The following PCDHA3 variants were observed in gnomAD, a reference collection of about 807,000 sequenced individuals.
PCDHA3 encodes protocadherin alpha-3.
A neutral mutation model predicts 62.2 loss-of-function variants in PCDHA3; 41 were observed. The ratio of observed to expected loss-of-function variants is 0.66; its 90% CI spans 0.51 to 0.86. The LOEUF (loss-of-function observed/expected upper bound fraction) is 0.86. Ranked by LOEUF, PCDHA3 falls within the 40% of genes least tolerant of loss-of-function variation. The probability of loss-of-function intolerance (pLI) is 0.00; values close to 1 mark genes in which losing one functional copy is unlikely to be tolerated. For missense variants in PCDHA3, 1,304 were observed against 1,241.2 expected (o/e 1.05, Z -0.76); for synonymous variants, 640 against 555.4 (o/e 1.15, Z -2.14).
At chr5:140,947,027 A>G (rs554018076) in intron 1 of PCDHA3, among the ~76,000 whole-genome samples, 2 of 151,820 alleles carry the variant, frequency 1.3e-5, no homozygotes, top group African/African-American at 2.4e-5. Context: ...GAGGTAATGG[A>G]TATACTAATT....
At chr5:140,924,507 C>T (rs2081871616) in intron 1 of PCDHA3, among the ~76,000 whole-genome samples, 1 of 152,168 alleles carries the variant, frequency 6.6e-6, no homozygotes, top group African/African-American at 2.4e-5. Context: ...CAATCCCACT[C>T]TTAGTGTTAA....
chr5:140,928,876 C>T (rs1554206456), intron 1 of PCDHA3: 1 of 1,614,194 alleles, frequency 6.2e-7, no homozygotes, highest in Non-Finnish European at 8.5e-7. Context: ...CTCTGTCCCT[C>T]AGTTACTTCC....
chr5:140,983,801 T>G (rs1386165689), intron 3 of PCDHA3, among the ~76,000 whole-genome samples: 1 of 152,214 alleles, frequency 6.6e-6, no homozygotes, highest in Non-Finnish European at 1.5e-5. Context: ...AATGTGTGTG[T>G]AAAAGGTTTT....
At position 140,843,705 on chromosome 5, in the gene PCDHA3, A is replaced by G. The variant is rs1779053094; in HGVS notation, c.2394+40114A>G. ...GAAGAGCAAGATTTAAATGTTGATC[A>G]TGGCCTCAAAGTAAGTCCATTTAAA... On this transcript the variant is annotated intron_variant, in intron 1 of 3. Transcript: ENST00000522353. 5.7e-6 allele frequency: 9 copies of G among 1,579,940 alleles called. No individual in the cohort carries two copies. The African/African-American group carries it at 6.7e-5, about 12-fold the overall frequency.
intron 3 of PCDHA3, among the ~76,000 whole-genome samples, chr5:140,994,387 C>T (rs192635308): frequency 1.3e-5 from 2 of 152,174 alleles, no homozygotes; most frequent in East Asian, 1.9e-4. Context: ...GGGACTAAGT[C>T]AGAGATTATT....
At chr5:140,867,906 T>C (rs1183238322) in intron 1 of PCDHA3, 1 of 152,148 alleles carries the variant, frequency 6.6e-6, no homozygotes, top group African/African-American at 2.4e-5. Context: ...TTACAGAAGG[T>C]ATAATTAAAA....
rs1554262648 is a variant in PCDHA3, at chr5:141,010,047, A to G, written c.*110A>G. On this transcript the variant is annotated 3_prime_UTR_variant, in exon 4 of 4. Coordinates refer to ENST00000522353, the MANE Select transcript of PCDHA3 (RefSeq NM_018906.3). The stretch of plus-strand genomic sequence containing the variant: ...CCTATCTACATGAGCCCTCTTAGAG[A>G]CCTCAGAAATCTGCAGAAAGTTCCC... 1.9e-6 allele frequency: 3 copies of G among 1,595,144 alleles called. No homozygotes were observed. The highest frequency in any genetic ancestry group is 1.7e-6 in the Non-Finnish European group (2 of 1,171,458).
chr5:140,843,876 C>A, intron 1 of PCDHA3: 1 of 763,300 alleles, frequency 1.3e-6, no homozygotes, highest in African/African-American at 1.8e-5. Flanking sequence ...TTCTCAGTGG[C>A]ATAATACAGT....
At chr5:140,818,724 G>C (rs1554127561) in intron 1 of PCDHA3, among the ~76,000 whole-genome samples, 1 of 152,190 alleles carries the variant, frequency 6.6e-6, no homozygotes, top group Non-Finnish European at 1.5e-5. Context: ...TGTGGTCCCA[G>C]CTACTTGGGA....
Position 140,863,052 on chromosome 5 carries a change from C to A in PCDHA3, c.2394+59461C>A, listed in dbSNP as rs782611491. On this transcript the variant is annotated intron_variant, in intron 1 of 3. Transcript: ENST00000522353. ...CAGCTGCATCTGTCAGCTGGCAGCA[C>A]CCGTTCCACGTGGGGCTCTGCACGG... The A allele has an allele frequency of 3.2e-5, 18 of 562,664 alleles. No individual in the cohort carries two copies. The East Asian group carries it at 8.4e-4, about 26-fold the overall frequency. 34.9% of individuals were successfully genotyped at this position (562,664 alleles called of 1,614,324 possible).
chr5:140,975,522 G>A (rs2096670563), intron 1 of PCDHA3, among the ~76,000 whole-genome samples: 1 of 152,128 alleles, frequency 6.6e-6, no homozygotes, highest in African/African-American at 2.4e-5. Context: ...ATCTGCAGTG[G>A]ATATATTCTT....
chr5:140,829,693 G>A, intron 1 of PCDHA3: 1 of 1,613,366 alleles, frequency 6.2e-7, no homozygotes, highest in Non-Finnish European at 8.5e-7. Context: ...TGCAGTTTCA[G>A]GTGAGCGCGC....
chr5:140,940,666 A>G (rs1398290925), intron 1 of PCDHA3, among the ~76,000 whole-genome samples: 1 of 152,176 alleles, frequency 6.6e-6, no homozygotes, highest in Non-Finnish European at 1.5e-5. Flanking sequence ...TTAAATCTTC[A>G]TCTGATAATT....
intron 1 of PCDHA3, among the ~76,000 whole-genome samples, chr5:140,943,363 T>C (rs1192531762): frequency 2.0e-5 from 3 of 148,712 alleles, no homozygotes; most frequent in Non-Finnish European, 4.5e-5. Flanking sequence ...GGAAAGGAGA[T>C]CATTAAAATA....
chr5:140,967,922 G>T (rs782146005), intron 1 of PCDHA3: 1 of 1,614,198 alleles, frequency 6.2e-7, no homozygotes, highest in South Asian at 1.1e-5. Flanking sequence ...CATTGTGGCC[G>T]TTCTCAGTGT....
intron 1 of PCDHA3, among the ~76,000 whole-genome samples, chr5:140,903,809 G>A (rs1004701576): frequency 2.0e-5 from 3 of 152,080 alleles, no homozygotes; most frequent in African/African-American, 7.2e-5. Flanking sequence ...GACAAGTATA[G>A]TTCTCACATG....
At chr5:140,968,770 A>G in intron 1 of PCDHA3, 2 of 1,614,216 alleles carry the variant, frequency 1.2e-6, no homozygotes, top group Non-Finnish European at 1.7e-6. Context: ...ATGGAGAGCC[A>G]TCACTATCAG....
At chr5:140,971,370 G>C (rs2096473492) in intron 1 of PCDHA3, among the ~76,000 whole-genome samples, 3 of 152,194 alleles carry the variant, frequency 2.0e-5, no homozygotes, top group African/African-American at 7.2e-5. Flanking sequence ...CCAGGAGAGT[G>C]CATGACTTTA....
At chr5:140,929,281 C>A in intron 1 of PCDHA3, 1 of 1,602,592 alleles carries the variant, frequency 6.2e-7, no homozygotes, top group Non-Finnish European at 8.5e-7. Context: ...ATCCTGTATT[C>A]AGATTCGGAA....
Sources: gnomAD v4.1 joint callset for allele counts (sites outside exome capture counted in the v4.1 genomes callset) on GRCh38, gnomAD v4.1.1 for gene constraint, MANE v1.5 for transcripts, NCBI Gene and HGNC (gene_info 2026-07-23, HGNC 2026-07-21) for gene names.